OSBP2: variants seen among roughly 807,000 people sequenced by gnomAD.
The protein encoded by OSBP2 is oxysterol-binding protein 2.
In OSBP2, 66 loss-of-function variants were observed where a neutral mutation model predicts 96.0. The observed-to-expected ratio is 0.69, with a 90% CI of 0.56 to 0.84. The LOEUF is 0.84. Ranked by LOEUF, OSBP2 falls within the 40% of genes least tolerant of loss-of-function variation. OSBP2 has a pLI of 0.00. For missense variants in OSBP2, 1,038 were observed against 1,222.7 expected, an observed-to-expected ratio of 0.85 and a Z score of 2.25; for synonymous variants, 525 against 520.9, an observed-to-expected ratio of 1.01 and a Z score of -0.11.
intron 2 of OSBP2, among the ~76,000 whole-genome samples, chr22:30,778,381 A>G (rs923319214): frequency 1.3e-5 from 2 of 151,520 alleles, no homozygotes; most frequent in African/African-American, 4.9e-5. Context: ...TTCCCTGGGC[A>G]TTCCAGCATC....
chr22:30,833,133 G>A (rs1437637910), intron 2 of OSBP2, among the ~76,000 whole-genome samples: 1 of 152,152 alleles, frequency 6.6e-6, no homozygotes, highest in Non-Finnish European at 1.5e-5. Flanking sequence ...CTGTCAGATG[G>A]GGTCTTAGAG....
intron 1 of OSBP2, among the ~76,000 whole-genome samples, chr22:30,728,167 C>T (rs547834164): frequency 1.3e-4 from 19 of 151,866 alleles, no homozygotes; most frequent in Non-Finnish European, 2.2e-4. Flanking sequence ...GAGGCTGAGG[C>T]GGGCGGATCA....
At chr22:30,895,949 A>G (rs1180694582) in intron 12 of OSBP2, among the ~76,000 whole-genome samples, 1 of 151,250 alleles carries the variant, frequency 6.6e-6, no homozygotes, top group East Asian at 1.9e-4. Context: ...TATTGGACAC[A>G]GTACTTTAAA....
At chr22:30,823,154 C>T (rs940759678) in intron 2 of OSBP2, among the ~76,000 whole-genome samples, 2 of 152,158 alleles carry the variant, frequency 1.3e-5, no homozygotes, top group Non-Finnish European at 2.9e-5. Flanking sequence ...CGGCTTTGCT[C>T]AGTGTGTGAT....
intron 2 of OSBP2, among the ~76,000 whole-genome samples, chr22:30,755,926 C>T (rs987479745): frequency 2.0e-5 from 3 of 152,234 alleles, no homozygotes; most frequent in African/African-American, 7.2e-5. Flanking sequence ...TTGTCCTCAA[C>T]CCCTGGGCCT....
intron 2 of OSBP2, among the ~76,000 whole-genome samples, chr22:30,805,540 C>G (rs2090917468): frequency 6.6e-6 from 1 of 152,180 alleles, no homozygotes; most frequent in Non-Finnish European, 1.5e-5. Context: ...GAAAATAATA[C>G]CTGGCTGGTT....
intron 8 of OSBP2, among the ~76,000 whole-genome samples, chr22:30,892,108 G>A (rs564518334): frequency 4.6e-5 from 7 of 152,276 alleles, no homozygotes; most frequent in African/African-American, 1.7e-4. Flanking sequence ...GGAAGCCTGG[G>A]GAGATGGAGG....
rs73154666 is a variant in OSBP2, at chr22:30,816,191, T to G, written c.854-54238T>G. Among the ~76,000 whole-genome samples the G allele has an allele frequency of 5.3e-3, 811 of 152,310 alleles. 3 individuals carry two copies. The highest frequency in any genetic ancestry group is 9.1e-3 in the Non-Finnish European group (621 of 68,028). On this transcript the variant is annotated intron_variant, in intron 2 of 13. Transcript: ENST00000332585. ...ACGCCAAGGCTGCTTTAATTGGTGT[T>G]GCTTTAATAACCAACAAAGGAGGAA...
intron 2 of OSBP2, among the ~76,000 whole-genome samples, chr22:30,760,434 T>G (rs1431775602): frequency 2.0e-5 from 3 of 152,064 alleles, no homozygotes; most frequent in Non-Finnish European, 4.4e-5. Flanking sequence ...AGCAATACAA[T>G]AGAATATTAC....
intron 2 of OSBP2, among the ~76,000 whole-genome samples, chr22:30,788,765 TGCAGTG>T (rs1425846629): frequency 2.0e-5 from 3 of 152,108 alleles, no homozygotes; most frequent in Non-Finnish European, 4.4e-5. Flanking sequence ...CAGGCTGGAG[TGCAGTG>T]GCACCATCTC....
chr22:30,860,373 A>G (rs2039186127), intron 2 of OSBP2, among the ~76,000 whole-genome samples: 1 of 152,116 alleles, frequency 6.6e-6, no homozygotes, highest in South Asian at 2.1e-4. Context: ...CTTGACAAGA[A>G]GCAGGTGGGT....
intron 1 of OSBP2, among the ~76,000 whole-genome samples, chr22:30,716,044 CTTT>C (rs35254892): frequency 1.5e-5 from 2 of 137,534 alleles, no homozygotes; most frequent in African/African-American, 2.7e-5. Context: ...TTCTTTCTTT[CTTT>C]TTTTTTTTTT....
intron 12 of OSBP2, chr22:30,902,556 TGGGAA>T: frequency 9.5e-6 from 11 of 1,161,886 alleles, no homozygotes; most frequent in South Asian, 2.5e-5. Flanking sequence ...CCCAGGTGAC[TGGGAA>T]ACAGGCCCCC....
chr22:30,727,907 C>G (rs1247383228), intron 1 of OSBP2, among the ~76,000 whole-genome samples: 1 of 151,170 alleles, frequency 6.6e-6, no homozygotes, highest in Non-Finnish European at 1.5e-5. Context: ...GAGATCAAGA[C>G]CATCCTGGCC....
rs144157531 is a variant in OSBP2 at position 30,714,525 on chromosome 22, A to G, written c.644+18972A>G. On this transcript the variant is annotated intron_variant, in intron 1 of 13. Coordinates refer to ENST00000332585, the MANE Select transcript of OSBP2 (RefSeq NM_030758.4). Reference sequence around the variant, plus strand: ...CACGTTGCTGTGAAACACATCTCCAAAATGTTTTCATCCTGCAAATATGAA... The same window carrying G: ...CACGTTGCTGTGAAACACATCTCCAGAATGTTTTCATCCTGCAAATATGAA... Among the ~76,000 whole-genome samples the G allele has an allele frequency of 3.6e-3, 551 of 152,244 alleles. 2 individuals are homozygous for G. The highest frequency in any genetic ancestry group is 4.7e-3 in the Non-Finnish European group (322 of 68,018).
chr22:30,834,207 C>A (rs1258774753), intron 2 of OSBP2, among the ~76,000 whole-genome samples: 1 of 152,046 alleles, frequency 6.6e-6, no homozygotes, highest in South Asian at 2.1e-4. Flanking sequence ...ATATAATATT[C>A]CAGTGTAGGA....
At chr22:30,797,737 G>C (rs2090785459) in intron 2 of OSBP2, among the ~76,000 whole-genome samples, 1 of 151,796 alleles carries the variant, frequency 6.6e-6, no homozygotes, top group African/African-American at 2.4e-5. Context: ...GACTACAGGC[G>C]CCAGCCACCA....
upstream of OSBP2, chr22:30,694,284 G>A: frequency 6.5e-7 from 1 of 1,549,786 alleles, no homozygotes; most frequent in Non-Finnish European, 8.7e-7. Context: ...GGAGGTGGAG[G>A]CGGTGAGGCG....
rs528319552 is a variant in OSBP2, at chr22:30,778,333, A to ACACC, written c.853+36965_853+36966insACCC. Among the ~76,000 whole-genome samples the ACACC allele has an allele frequency of 2.6e-4, 39 of 148,906 alleles. 4 individuals carry two copies. The highest frequency in any genetic ancestry group is 1.5e-3 in the Admixed American group (23 of 15,006). Reference sequence around the variant, plus strand: ...CACACACACACACACACACACACACACCCACTGACAGCGCTGTGGCCACCA... The same window carrying ACACC: ...CACACACACACACACACACACACACACACCCCCACTGACAGCGCTGTGGCCACCA... On this transcript the variant is annotated intron_variant, in intron 2 of 13. Transcript: ENST00000332585.
Sources: allele counts gnomAD v4.1 joint callset (sites outside exome capture counted in the v4.1 genomes callset), GRCh38; gene constraint gnomAD v4.1.1; transcripts MANE v1.5; gene names NCBI Gene and HGNC (gene_info 2026-07-23, HGNC 2026-07-21).